Variants in ANKRD44 observed in about 807,000 individuals in gnomAD.
ANKRD44 encodes the protein ankyrin repeat domain 44.
ANKRD44 carries 35 observed loss-of-function variants against 116.0 expected under a neutral mutation model. The ratio of observed to expected loss-of-function variants is 0.30; its 90% CI spans 0.23 to 0.40. The LOEUF is 0.40. Among genes scored for constraint, ANKRD44 ranks in the 10% least tolerant of loss-of-function variants. ANKRD44 has a pLI of 1.00. For missense variants in ANKRD44, 1,014 were observed against 1,242.6 expected (o/e 0.82, Z 2.77); for synonymous variants, 435 against 461.8 (o/e 0.94, Z 0.74).
chr2:197,205,691 C>T (rs987545594), intron 1 of ANKRD44, among the ~76,000 whole-genome samples: 1 of 152,122 alleles, frequency 6.6e-6, no homozygotes, highest in Admixed American at 6.5e-5. Context: ...AAGATACAGT[C>T]CCAGGCTCAA....
chr2:197,127,816 C>T (rs182175259), intron 4 of ANKRD44, among the ~76,000 whole-genome samples: 1 of 152,098 alleles, frequency 6.6e-6, no homozygotes, highest in Non-Finnish European at 1.5e-5. Flanking sequence ...TGGTGCTCTC[C>T]CTCCCTTCTC....
At chr2:196,986,090 G>A (rs1181028687), downstream of ANKRD44, among the ~76,000 whole-genome samples, 4 of 152,182 alleles carry the variant, frequency 2.6e-5, no homozygotes, top group African/African-American at 9.7e-5. Context: ...GCAAACACAA[G>A]TTCAGTCACA....
Position 197,310,501 on chromosome 2 carries a change from C to T in ANKRD44, c.27+77G>A, listed in dbSNP as rs1384474594. On this transcript the variant is annotated intron_variant, in intron 1 of 27. Coordinates refer to ENST00000282272, the MANE Select transcript of ANKRD44 (RefSeq NM_001195144.2). ...AAACAGCTCGCGGGCGCGCTCCAGCCGCGCCCCCATCCCCCCGCCGGGCTC... is the reference window on the plus strand; with the variant it reads ...AAACAGCTCGCGGGCGCGCTCCAGCTGCGCCCCCATCCCCCCGCCGGGCTC... 37 of 961,992 alleles carry T rather than the reference C, an allele frequency of 3.8e-5. No individual in the cohort carries two copies. The South Asian group carries it at 1.3e-3, about 35-fold the overall frequency. The allele number at this position is 961,992 out of a possible 1,614,324, so 59.6% of individuals were successfully genotyped here.
intron 20 of ANKRD44, 107 bp from the exon 21 acceptor site, chr2:197,006,017 C>G (rs774575358): frequency 9.9e-7 from 1 of 1,007,112 alleles, no homozygotes; most frequent in East Asian, 2.4e-5. Flanking sequence ...ATGCCTGGGT[C>G]TTTAAGGAAG....
At chr2:197,145,620 C>T (rs973410191) in intron 3 of ANKRD44, among the ~76,000 whole-genome samples, 1 of 152,160 alleles carries the variant, frequency 6.6e-6, no homozygotes, top group African/African-American at 2.4e-5. Flanking sequence ...CCATCAGGAG[C>T]GTGGGGCACA....
Position 197,183,619 on chromosome 2 carries a change from A to G in ANKRD44, c.111+3404T>C, listed in dbSNP as rs543602395. Among the ~76,000 whole-genome samples the G allele has an allele frequency of 2.0e-5, 3 of 152,298 alleles. No individual in the cohort carries two copies. The East Asian group carries it at 5.8e-4, about 29-fold the overall frequency. On this transcript the variant is annotated intron_variant, in intron 2 of 27. Coordinates refer to ENST00000282272, the MANE Select transcript of ANKRD44 (RefSeq NM_001195144.2). ...CCATGACAAGAGGACATGCTGGATAAGTGTGGGGTCAAATGATCTTTGTAC... is the reference window on the plus strand; with the variant it reads ...CCATGACAAGAGGACATGCTGGATAGGTGTGGGGTCAAATGATCTTTGTAC...
At position 197,081,740 on chromosome 2, in the gene ANKRD44, G is replaced by C; in HGVS notation, c.1458-15C>G. On this transcript the variant is annotated splice_polypyrimidine_tract_variant and intron_variant, in intron 14 of 27. Transcript: ENST00000282272. The stretch of plus-strand genomic sequence containing the variant: ...AGATAGTCTTACTTCTCAGCATAAA[G>C]GATAGAAAAAAAAATTGCAATTAAT... The C allele has an allele frequency of 1.3e-6, 2 of 1,596,492 alleles. No individual in the cohort carries two copies. Among genetic ancestry groups the C allele is most frequent in the Non-Finnish European group, 1.7e-6 (2 of 1,171,530 alleles).
At chr2:197,254,384 A>G (rs571267288) in intron 1 of ANKRD44, among the ~76,000 whole-genome samples, 1 of 149,904 alleles carries the variant, frequency 6.7e-6, no homozygotes, top group Admixed American at 6.6e-5. Context: ...GCTCCATCTT[A>G]AAAAACAACA....
intron 2 of ANKRD44, 121 bp downstream of exon 2, chr2:197,186,902 T>C (rs1018007689): frequency 1.4e-6 from 1 of 734,092 alleles, no homozygotes; most frequent in African/African-American, 1.7e-5. Context: ...AAGAACAGTG[T>C]CCTGAGAAAC....
intron 16 of ANKRD44, among the ~76,000 whole-genome samples, chr2:197,040,470 G>C (rs567290338): frequency 1.4e-5 from 2 of 140,874 alleles, no homozygotes; most frequent in East Asian, 4.5e-4. Flanking sequence ...TCCGCTTCCC[G>C]GGCTCAAGTG....
Position 197,260,042 on chromosome 2 carries a change from A to G in ANKRD44, c.27+50536T>C, listed in dbSNP as rs113155616. Among the ~76,000 whole-genome samples the G allele has an allele frequency of 2.0e-5, 3 of 152,342 alleles. 1 individual carries two copies. The highest frequency in any genetic ancestry group is 7.2e-5 in the African/African-American group (3 of 41,580). On this transcript the variant is annotated intron_variant, in intron 1 of 27. Coordinates refer to ENST00000282272, the MANE Select transcript of ANKRD44 (RefSeq NM_001195144.2). ...GCCTTGCCTGAAAAACGGTAAGACT[A>G]CTTTTCCTAGAAACAGAGACCTAAA...
At chr2:197,105,083 G>T (rs1330017908) in intron 9 of ANKRD44, among the ~76,000 whole-genome samples, 11 of 152,032 alleles carry the variant, frequency 7.2e-5, no homozygotes, top group Admixed American at 5.2e-4. Context: ...CTTTGTTTCT[G>T]TGTTACAGTG....
At chr2:197,200,677 G>A (rs1330749431) in intron 1 of ANKRD44, among the ~76,000 whole-genome samples, 2 of 152,022 alleles carry the variant, frequency 1.3e-5, no homozygotes, top group Non-Finnish European at 2.9e-5. Flanking sequence ...AACGCTTGCT[G>A]TGCCCTTCAA....
At chr2:197,243,383 C>CA (rs111433595) in intron 1 of ANKRD44, among the ~76,000 whole-genome samples, 10,552 of 142,776 alleles carry the variant, frequency 0.074, 466 homozygotes, top group Non-Finnish European at 0.1. Context: ...AGCTTTAGGA[C>CA]AAAAAAAAAA....
At chr2:196,994,707 G>A (rs1235269541) in intron 26 of ANKRD44, 8 of 151,936 alleles carry the variant, frequency 5.3e-5, no homozygotes, top group South Asian at 2.1e-4. Flanking sequence ...ATTTTTAGTA[G>A]AGACGGGGTT....
intron 2 of ANKRD44, among the ~76,000 whole-genome samples, chr2:197,184,779 A>G (rs1233755698): frequency 6.6e-6 from 1 of 151,980 alleles, no homozygotes; most frequent in East Asian, 1.9e-4. Flanking sequence ...TTGGAAAAGG[A>G]CCACCCCTCT....
At position 197,110,747 on chromosome 2, in the gene ANKRD44, A is replaced by G; in HGVS notation, c.985+19T>C. On this transcript the variant is annotated intron_variant, in intron 9 of 27. Transcript: ENST00000282272. ...AAGAAACTATCGAAATAATGACACT[A>G]CTGAAGCATCTCTCTTACCATTCTG... 6.3e-7 allele frequency: 1 copy of G among 1,599,666 alleles called. No individual in the cohort carries two copies. Among genetic ancestry groups the G allele is most frequent in the Non-Finnish European group, 8.6e-7 (1 of 1,166,932 alleles).
chr2:197,022,474 G>A (rs1195085049), intron 17 of ANKRD44, among the ~76,000 whole-genome samples: 1 of 152,158 alleles, frequency 6.6e-6, no homozygotes, highest in Non-Finnish European at 1.5e-5. Context: ...GTCCCCATGA[G>A]ATCTGTGGTG....
chr2:197,056,763 T>TAATG, intron 16 of ANKRD44, among the ~76,000 whole-genome samples: 1 of 152,346 alleles, frequency 6.6e-6, no homozygotes, highest in Admixed American at 6.5e-5. Flanking sequence ...GCCTTTTGTA[T>TAATG]AATGACCTTA....
Sources: gnomAD v4.1 joint callset for allele counts (sites outside exome capture counted in the v4.1 genomes callset) on GRCh38, gnomAD v4.1.1 for gene constraint, MANE v1.5 for transcripts, NCBI Gene and HGNC (gene_info 2026-07-23, HGNC 2026-07-21) for gene names.